The following SEC24A variants were observed in gnomAD, a reference collection of about 807,000 sequenced individuals.
The protein encoded by SEC24A is protein transport protein Sec24A.
Under a neutral mutation model 129.4 loss-of-function variants are expected in SEC24A, and 93 were observed. The observed-to-expected ratio is 0.72, with a 90% confidence interval of 0.61 to 0.85. SEC24A has a LOEUF of 0.85. SEC24A is among the 40% of genes least tolerant of loss of function. The probability of loss-of-function intolerance (pLI) is 0.00; values close to 1 mark genes in which losing one functional copy is unlikely to be tolerated. For missense variants in SEC24A, 1,264 were observed against 1,307.4 expected, an observed-to-expected ratio of 0.97 and a Z score of 0.51; for synonymous variants, 460 against 467.3, an observed-to-expected ratio of 0.98 and a Z score of 0.20.
intron 7 of SEC24A, among the ~76,000 whole-genome samples, chr5:134,677,065 A>C (rs962236208): frequency 6.6e-6 from 1 of 152,184 alleles, no homozygotes; most frequent in Non-Finnish European, 1.5e-5. Flanking sequence ...CCATCCTTGC[A>C]GTAAAATTTG....
intron 9 of SEC24A, among the ~76,000 whole-genome samples, chr5:134,683,536 G>T (rs537412092): frequency 1.1e-4 from 16 of 152,024 alleles, no homozygotes; most frequent in Non-Finnish European, 2.1e-4. Context: ...TTTTAGAGAG[G>T]AGGGTCTTAC....
In SEC24A at chr5:134,681,085, C is replaced by T. The variant is rs201063106; in HGVS notation, c.1382-1288C>T. On this transcript the variant is annotated intron_variant, in intron 8 of 22. Transcript: ENST00000398844. Reference sequence around the variant, plus strand: ...TTGCACTCCAGCCTGGGCGACAGAGCGAGACTCTGTCTCAAAAACAAACAA... The same window carrying T: ...TTGCACTCCAGCCTGGGCGACAGAGTGAGACTCTGTCTCAAAAACAAACAA... Among the ~76,000 whole-genome samples, 34 of 145,746 alleles carry T rather than the reference C, an allele frequency of 2.3e-4. No individual in the cohort carries two copies. In the Middle Eastern group the frequency reaches 0.022, roughly 92 times the overall value.
At chr5:134,666,717 T>C (rs1750673928) in intron 2 of SEC24A, 106 bp from the exon 3 acceptor site, 6 of 860,204 alleles carry the variant, frequency 7.0e-6, no homozygotes, top group Admixed American at 4.5e-5. Flanking sequence ...CTTTGGTTAT[T>C]ATAATTTAAA....
In SEC24A at chr5:134,666,841, T is replaced by G; in HGVS notation, c.584T>G (p.Leu195Ter). 1 of 1,614,046 alleles carries G rather than the reference T, an allele frequency of 6.2e-7. No individual in the cohort carries two copies. Among genetic ancestry groups the G allele is most frequent in the South Asian group, 1.1e-5 (1 of 91,074 alleles). The change falls in exon 3 of 23, where the codon TTA becomes TGA. Residue 195 changes from leucine to a stop codon, truncating the protein, a stop_gained. Transcript: ENST00000398844. LOFTEE classifies it high-confidence loss of function. ...TCCATAGGTCCTTCTGTACCTCCCTTAGTGAATCCACCTCTGCCTACAACT... is the reference window on the plus strand; with the variant it reads ...TCCATAGGTCCTTCTGTACCTCCCTGAGTGAATCCACCTCTGCCTACAACT... ...FIKSGPSVPP[L>*]VNPPLPTTFQ...
chr5:134,651,173 A>G (rs1255289871), intron 1 of SEC24A, among the ~76,000 whole-genome samples: 1 of 148,064 alleles, frequency 6.8e-6, no homozygotes, highest in Non-Finnish European at 1.5e-5. Context: ...ATCACAACTC[A>G]CTGTCACTCC....
intron 20 of SEC24A, 96 bp downstream of exon 20, chr5:134,718,269 A>G: frequency 1.2e-6 from 1 of 858,458 alleles, no homozygotes; most frequent in African/African-American, 1.7e-5. Flanking sequence ...CTCTTCCTGA[A>G]CAGATTTCAT....
intron 11 of SEC24A, among the ~76,000 whole-genome samples, chr5:134,690,396 C>A (rs1751600627): frequency 6.6e-6 from 1 of 152,164 alleles, no homozygotes; most frequent in Non-Finnish European, 1.5e-5. Context: ...TTGCTGCAGC[C>A]TTGAAGCCCT....
intron 15 of SEC24A, among the ~76,000 whole-genome samples, chr5:134,703,173 A>G (rs2041110316): frequency 2.0e-5 from 3 of 152,132 alleles, no homozygotes; most frequent in Admixed American, 2.0e-4. Flanking sequence ...TTAAATGAGT[A>G]TATCTGTAGG....
intron 1 of SEC24A, among the ~76,000 whole-genome samples, chr5:134,657,689 G>A (rs1469560948): frequency 6.6e-6 from 1 of 152,018 alleles, no homozygotes; most frequent in Non-Finnish European, 1.5e-5. Context: ...TGATCCTCCC[G>A]CCTCAGCCTC....
chr5:134,654,949 T>G (rs1750189443), intron 1 of SEC24A, among the ~76,000 whole-genome samples: 1 of 152,000 alleles, frequency 6.6e-6, no homozygotes, highest in African/African-American at 2.4e-5. Flanking sequence ...ACTCCTGACC[T>G]CGTGATCCTC....
intron 21 of SEC24A, among the ~76,000 whole-genome samples, chr5:134,723,243 A>G (rs1054131531): frequency 5.3e-5 from 8 of 152,094 alleles, no homozygotes; most frequent in African/African-American, 1.9e-4. Context: ...AGGCAGGTGT[A>G]TCGCCTGAGC....
chr5:134,723,296 C>T (rs1752672942), intron 21 of SEC24A, among the ~76,000 whole-genome samples: 1 of 151,476 alleles, frequency 6.6e-6, no homozygotes, highest in Non-Finnish European at 1.5e-5. Context: ...CAAAACCCAT[C>T]TCTACAAGAA....
At chr5:134,653,473 AC>A (rs1238542622) in intron 1 of SEC24A, among the ~76,000 whole-genome samples, 2 of 150,484 alleles carry the variant, frequency 1.3e-5, no homozygotes, top group Non-Finnish European at 3.0e-5. Context: ...ATGGTCTTGA[AC>A]TCCTGGACTC....
Position 134,712,312 on chromosome 5 carries a change from G to A in SEC24A, c.2728-2712G>A, listed in dbSNP as rs185261192. Among the ~76,000 whole-genome samples the A allele has an allele frequency of 2.6e-3, 396 of 151,630 alleles. 3 individuals carry two copies. Among genetic ancestry groups the A allele is most frequent in the Non-Finnish European group, 4.5e-3 (304 of 67,920 alleles). ...GTCATCCGGGCTGGAGTGTAGTGAC[G>A]TGATCTTGGCTCACTGCAACCTCCA... On this transcript the variant is annotated intron_variant, in intron 18 of 22. Coordinates refer to ENST00000398844, the MANE Select transcript of SEC24A (RefSeq NM_021982.3).
At chr5:134,681,337 T>C (rs1162480772) in intron 8 of SEC24A, among the ~76,000 whole-genome samples, 1 of 151,602 alleles carries the variant, frequency 6.6e-6, no homozygotes, top group East Asian at 1.9e-4. Flanking sequence ...GAGGCGGAGG[T>C]TGCAGTGAAC....
chr5:134,650,116 G>A (rs1749996295), intron 1 of SEC24A, among the ~76,000 whole-genome samples: 1 of 152,132 alleles, frequency 6.6e-6, no homozygotes, highest in East Asian at 1.9e-4. Context: ...AGAGAAGACC[G>A]CTGTTTTCTT....
chr5:134,699,300 C>CTTTTTTTTT (rs1751927294), intron 15 of SEC24A, among the ~76,000 whole-genome samples: 1 of 143,548 alleles, frequency 7.0e-6, no homozygotes, highest in African/African-American at 2.8e-5. Flanking sequence ...ACCATTTTAT[C>CTTTTTTTTT]CTTTTTTTTT....
At chr5:134,710,238 G>A (rs1195641780) in intron 18 of SEC24A, among the ~76,000 whole-genome samples, 1 of 150,524 alleles carries the variant, frequency 6.6e-6, no homozygotes, top group African/African-American at 2.4e-5. Context: ...CTGAGACAGG[G>A]TCTCCCTCTG....
intron 1 of SEC24A, among the ~76,000 whole-genome samples, chr5:134,650,266 G>A (rs1054553441): frequency 2.0e-5 from 3 of 152,122 alleles, no homozygotes; most frequent in East Asian, 3.8e-4. Flanking sequence ...AACAGATTAT[G>A]TACACTACAT....
Sources: gnomAD v4.1 joint callset for allele counts (sites outside exome capture counted in the v4.1 genomes callset) on GRCh38, gnomAD v4.1.1 for gene constraint, MANE v1.5 for transcripts, NCBI Gene and HGNC (gene_info 2026-07-23, HGNC 2026-07-21) for gene names.